Variants in RANBP2 observed in about 807,000 individuals in gnomAD.
RANBP2 encodes E3 SUMO-protein ligase RanBP2.
Under a neutral mutation model 303.6 loss-of-function variants are expected in RANBP2, and 57 were observed. The observed-to-expected ratio is 0.19, with a 90% CI of 0.15 to 0.23. The LOEUF (loss-of-function observed/expected upper bound fraction) is 0.23. Ranked by LOEUF, RANBP2 falls within the 10% of genes least tolerant of loss-of-function variation. The pLI, the probability that RANBP2 is intolerant of heterozygous loss-of-function variation, is 1.00. For synonymous variants in RANBP2, 1,167 were observed against 1,301.5 expected, an observed-to-expected ratio of 0.90 and a Z score of 2.23; for missense variants, 3,138 against 3,780.8, an observed-to-expected ratio of 0.83 and a Z score of 4.46.
chr2:109,444,102 T>C, the RANBP2 span, among the ~76,000 whole-genome samples: 8 of 152,280 alleles, frequency 5.3e-5, no homozygotes, highest in Admixed American at 1.3e-4. Context: ...ATAACAAATA[T>C]TTGATATACT....
At chr2:109,250,477 T>G in the RANBP2 span, among the ~76,000 whole-genome samples, 1 of 151,866 alleles carries the variant, frequency 6.6e-6, no homozygotes, top group Non-Finnish European at 1.5e-5. Flanking sequence ...GGTTTAAATA[T>G]TTATTATTAT....
the RANBP2 span, among the ~76,000 whole-genome samples, chr2:109,692,272 GA>G: frequency 1.3e-5 from 2 of 151,906 alleles, no homozygotes; most frequent in African/African-American, 2.4e-5. Context: ...AGAAGGCAGA[GA>G]GGGGGCTGCC....
chr2:109,286,308 T>A, the RANBP2 span, among the ~76,000 whole-genome samples: 115 of 152,302 alleles, frequency 7.6e-4, 3 homozygotes, highest in South Asian at 0.015. Context: ...GGGATGTGTT[T>A]GACCCTCCTG....
Position 108,768,407 on chromosome 2 carries a change from A to C in RANBP2, c.7849+19A>C. On this transcript the variant is annotated intron_variant, in intron 20 of 28. Coordinates refer to ENST00000283195, the MANE Select transcript of RANBP2 (RefSeq NM_006267.5). ...GAAAAGGGTAAGTACTTTGTTGTTA[A>C]AGTTAAGCACAATTTTTCTTTCTTT... 6.2e-7 allele frequency: 1 copy of C among 1,609,752 alleles called. No homozygotes were observed. Among genetic ancestry groups the C allele is most frequent in the South Asian group, 1.1e-5 (1 of 90,992 alleles).
the RANBP2 span, among the ~76,000 whole-genome samples, chr2:109,210,533 G>A: frequency 5.3e-5 from 8 of 152,186 alleles, no homozygotes; most frequent in African/African-American, 1.7e-4. Context: ...AATGAGATGG[G>A]ACATCTGGGG....
chr2:109,381,458 G>A, the RANBP2 span, among the ~76,000 whole-genome samples: 3 of 152,156 alleles, frequency 2.0e-5, no homozygotes, highest in African/African-American at 7.2e-5. Flanking sequence ...CGGAGACAGA[G>A]TTCTCACACC....
At chr2:109,413,698 C>T in the RANBP2 span, among the ~76,000 whole-genome samples, 2 of 152,188 alleles carry the variant, frequency 1.3e-5, no homozygotes, top group African/African-American at 2.4e-5. Context: ...CCCCACCAGC[C>T]CTCCACACAG....
chr2:108,770,097 G>C (rs925855948), intron 20 of RANBP2, among the ~76,000 whole-genome samples: 35 of 152,184 alleles, frequency 2.3e-4, no homozygotes, highest in African/African-American at 8.2e-4. Flanking sequence ...GTGAGCTCTA[G>C]GTTAGGAATC....
At chr2:108,902,033 T>C in the RANBP2 span, among the ~76,000 whole-genome samples, 1 of 150,412 alleles carries the variant, frequency 6.6e-6, no homozygotes, top group Non-Finnish European at 1.5e-5. Context: ...AGGTCAGGAG[T>C]TCAAGACCAG....
the RANBP2 span, among the ~76,000 whole-genome samples, chr2:108,815,276 A>T: frequency 6.6e-6 from 1 of 152,050 alleles, no homozygotes; most frequent in East Asian, 1.9e-4. Context: ...GTGGTGATTC[A>T]TGCTCTTAAG....
the RANBP2 span, among the ~76,000 whole-genome samples, chr2:108,945,321 C>T: frequency 1.3e-5 from 2 of 152,190 alleles, no homozygotes; most frequent in African/African-American, 4.8e-5. Flanking sequence ...CATTTCACTA[C>T]TCCAGCAGTT....
chr2:109,673,340 T>C, the RANBP2 span, among the ~76,000 whole-genome samples: 2 of 152,182 alleles, frequency 1.3e-5, no homozygotes, highest in Non-Finnish European at 2.9e-5. Context: ...TTTGCCCACA[T>C]GAGAGGACCT....
At chr2:109,400,315 C>T in the RANBP2 span, among the ~76,000 whole-genome samples, 7 of 152,022 alleles carry the variant, frequency 4.6e-5, no homozygotes, top group Admixed American at 1.3e-4. Context: ...ACACATGGCA[C>T]ACACATATAC....
At chr2:109,158,137 A>G in the RANBP2 span, among the ~76,000 whole-genome samples, 1 of 152,144 alleles carries the variant, frequency 6.6e-6, no homozygotes, top group African/African-American at 2.4e-5. Flanking sequence ...AGGTGCCAAG[A>G]CAGGACTGTG....
At chr2:109,256,377 G>C in the RANBP2 span, among the ~76,000 whole-genome samples, 1 of 152,194 alleles carries the variant, frequency 6.6e-6, no homozygotes, top group South Asian at 2.1e-4. Flanking sequence ...GTGTCATTAG[G>C]GATATGAGCG....
the RANBP2 span, among the ~76,000 whole-genome samples, chr2:109,145,777 T>C: frequency 1.3e-5 from 2 of 152,148 alleles, no homozygotes; most frequent in Non-Finnish European, 2.9e-5. Flanking sequence ...AGGAGCAGTA[T>C]TGGTTTGTTG....
chr2:109,417,025 G>GTCA, the RANBP2 span, among the ~76,000 whole-genome samples: 9 of 152,184 alleles, frequency 5.9e-5, no homozygotes, highest in Non-Finnish European at 1.3e-4. Flanking sequence ...CGACTGCCAG[G>GTCA]TCATCGAGTG....
At chr2:109,651,743 T>C in the RANBP2 span, among the ~76,000 whole-genome samples, 1 of 152,286 alleles carries the variant, frequency 6.6e-6, no homozygotes. Context: ...AGAAGTCAGA[T>C]CTTTCAGAAT....
the RANBP2 span, among the ~76,000 whole-genome samples, chr2:109,164,042 T>C: frequency 6.6e-6 from 1 of 152,320 alleles, no homozygotes; most frequent in African/African-American, 2.4e-5. Context: ...ATGATTTTTG[T>C]ATTTATAAAT....
Sources: allele counts gnomAD v4.1 joint callset (sites outside exome capture counted in the v4.1 genomes callset), GRCh38; gene constraint gnomAD v4.1.1; transcripts MANE v1.5; gene names NCBI Gene and HGNC (gene_info 2026-07-23, HGNC 2026-07-21).